The following CACNB4 variants were observed in gnomAD, a reference collection of about 807,000 sequenced individuals.
CACNB4 encodes calcium voltage-gated channel auxiliary subunit beta 4, also known as voltage-dependent L-type calcium channel subunit beta-4.
CACNB4 carries 32 observed loss-of-function variants against 71.2 expected under a neutral mutation model. The ratio of observed to expected loss-of-function variants is 0.45; its 90% CI spans 0.34 to 0.60. The LOEUF is 0.60. Ranked by LOEUF, CACNB4 falls within the 20% of genes least tolerant of loss-of-function variation. CACNB4 has a pLI of 0.01. For synonymous variants in CACNB4, 231 were observed against 236.9 expected (o/e 0.97, Z 0.23); for missense variants, 464 against 647.9 (o/e 0.72, Z 3.08).
At chr2:152,014,978 C>T (rs75614133) in intron 2 of CACNB4, among the ~76,000 whole-genome samples, 3,390 of 152,192 alleles carry the variant, frequency 0.022, 126 homozygotes, top group African/African-American at 0.076. Flanking sequence ...GCTGAATGTG[C>T]TCTCTTGTAC....
chr2:151,927,910 T>C lies in CACNB4; in HGVS notation c.148-44540A>G, dbSNP rs564993256. Reference sequence around the variant, plus strand: ...GCTTTTCCCCTCACTCCTTCTTTCTTGAGAGTCAAACATAAGAAAAAGGAA... The same window carrying C: ...GCTTTTCCCCTCACTCCTTCTTTCTCGAGAGTCAAACATAAGAAAAAGGAA... On this transcript the variant is annotated intron_variant, in intron 2 of 13. Coordinates refer to ENST00000539935, the MANE Select transcript of CACNB4 (RefSeq NM_000726.5). Among the ~76,000 whole-genome samples, 9 of 152,310 alleles carry C rather than the reference T, an allele frequency of 5.9e-5. No homozygotes were observed. In the South Asian group the frequency reaches 1.9e-3, roughly 32 times the overall value.
At chr2:152,067,061 G>A (rs2105355235) in intron 2 of CACNB4, among the ~76,000 whole-genome samples, 1 of 150,044 alleles carries the variant, frequency 6.7e-6, no homozygotes, top group South Asian at 2.1e-4. Context: ...GAGTTAGTGG[G>A]TGCAGCGCAC....
chr2:151,980,629 TTGC>T (rs1443228892), intron 2 of CACNB4, among the ~76,000 whole-genome samples: 9 of 152,324 alleles, frequency 5.9e-5, no homozygotes, highest in African/African-American at 2.2e-4. Context: ...TTGGCTACCT[TTGC>T]ACTTTGGTTG....
At chr2:151,947,351 G>A (rs1013877406) in intron 2 of CACNB4, among the ~76,000 whole-genome samples, 1 of 152,124 alleles carries the variant, frequency 6.6e-6, no homozygotes, top group Non-Finnish European at 1.5e-5. Flanking sequence ...AGAATCACGT[G>A]GGGTACTTAT....
chr2:151,846,244 G>T (rs1377123481), intron 12 of CACNB4, among the ~76,000 whole-genome samples: 1 of 152,028 alleles, frequency 6.6e-6, no homozygotes, highest in East Asian at 1.9e-4. Flanking sequence ...GCAAATGGTG[G>T]GTCACCCTAC....
chr2:152,098,817 G>A lies in CACNB4; in HGVS notation c.63+132C>T, dbSNP rs1688433438. 2.0e-6 allele frequency: 2 copies of A among 997,208 alleles called. No homozygotes were observed. Among genetic ancestry groups the A allele is most frequent in the East Asian group, 2.7e-5 (1 of 37,274 alleles). 61.8% of individuals were successfully genotyped at this position (997,208 alleles called of 1,614,324 possible). A position where few individuals can be genotyped will look rare whatever the true frequency, so the allele number is the denominator to read the frequency against. On this transcript the variant is annotated intron_variant, in intron 1 of 13. Transcript: ENST00000539935. This position sits in a 1 kb window ranked among gnomAD's most constrained non-coding sequence, Gnocchi z 5.3. The stretch of plus-strand genomic sequence containing the variant: ...AGAAAGGGACGTGGAGGAGGGGTGG[G>A]GGGAGCGGGGCCGCCGACTCCCGGG...
chr2:151,921,862 G>A (rs1422320664), intron 2 of CACNB4, among the ~76,000 whole-genome samples: 1 of 152,108 alleles, frequency 6.6e-6, no homozygotes, highest in Non-Finnish European at 1.5e-5. Context: ...CGGTTAAGAT[G>A]TGCCTGCCTC....
intron 12 of CACNB4, among the ~76,000 whole-genome samples, chr2:151,843,432 G>A (rs1049334957): frequency 9.2e-5 from 14 of 152,208 alleles, no homozygotes; most frequent in African/African-American, 2.6e-4. Context: ...CTCCCACCTC[G>A]GCTTCCTGAG....
intron 2 of CACNB4, among the ~76,000 whole-genome samples, chr2:151,902,168 A>T (rs1190112105): frequency 6.6e-6 from 1 of 151,114 alleles, no homozygotes; most frequent in Non-Finnish European, 1.5e-5. Flanking sequence ...TCAAGCTGGG[A>T]TCACAGGCGC....
chr2:152,029,731 G>A (rs1487441766), intron 2 of CACNB4, among the ~76,000 whole-genome samples: 1 of 152,080 alleles, frequency 6.6e-6, no homozygotes, highest in Non-Finnish European at 1.5e-5. Flanking sequence ...TGAGGGCAGA[G>A]CCTCATGAAA....
intron 2 of CACNB4, among the ~76,000 whole-genome samples, chr2:151,946,302 C>T (rs2099865590): frequency 6.6e-6 from 1 of 150,862 alleles, no homozygotes. Context: ...GCACTCCAGC[C>T]CGGGCAACAA....
intron 2 of CACNB4, among the ~76,000 whole-genome samples, chr2:151,940,224 T>C (rs145833338): frequency 2.4e-4 from 37 of 152,328 alleles, no homozygotes; most frequent in African/African-American, 8.2e-4. Flanking sequence ...CCTTACTCTA[T>C]ATACTGGAGA....
intron 6 of CACNB4, chr2:151,871,359 T>A (rs1318813729): frequency 1.3e-5 from 2 of 153,576 alleles, no homozygotes; most frequent in Non-Finnish European, 2.9e-5. Context: ...ATTGGCACAT[T>A]TTTCCTACTA....
intron 2 of CACNB4, among the ~76,000 whole-genome samples, chr2:151,999,388 T>TC (rs1682268615): frequency 6.6e-6 from 1 of 150,412 alleles, no homozygotes; most frequent in African/African-American, 2.4e-5. Context: ...TTTTTTTTTT[T>TC]CTTCTTATAC....
chr2:151,871,723 T>C (rs2099844683), intron 6 of CACNB4: 1 of 152,586 alleles, frequency 6.6e-6, no homozygotes, highest in African/African-American at 2.4e-5. Flanking sequence ...CCATTCCAAA[T>C]TGGTAATACA....
chr2:151,962,158 T>C (rs1286192964), intron 2 of CACNB4, among the ~76,000 whole-genome samples: 1 of 152,176 alleles, frequency 6.6e-6, no homozygotes, highest in Admixed American at 6.5e-5. Context: ...TTCCTCCTTG[T>C]GGGATGCTTC....
At chr2:151,993,237 C>T (rs938933950) in intron 2 of CACNB4, among the ~76,000 whole-genome samples, 44 of 151,800 alleles carry the variant, frequency 2.9e-4, no homozygotes, top group African/African-American at 9.4e-4. Context: ...TTTTTGATCA[C>T]TAACTATATC....
chr2:151,985,501 T>C (rs528203152), intron 2 of CACNB4, among the ~76,000 whole-genome samples: 4 of 152,312 alleles, frequency 2.6e-5, no homozygotes, highest in South Asian at 2.1e-4. Context: ...CTTGATCACA[T>C]TGCCAAAGGT....
intron 2 of CACNB4, among the ~76,000 whole-genome samples, chr2:152,072,073 T>C (rs1381910671): frequency 6.6e-6 from 1 of 152,262 alleles, no homozygotes; most frequent in Non-Finnish European, 1.5e-5. Context: ...TTCCTGAAGC[T>C]TGCAATCAGG....
Sources: gnomAD v4.1 joint callset for allele counts (sites outside exome capture counted in the v4.1 genomes callset) on GRCh38, gnomAD v4.1.1 for gene constraint, Gnocchi (gnomAD v3.1) non-coding constraint, MANE v1.5 for transcripts, NCBI Gene and HGNC (gene_info 2026-07-23, HGNC 2026-07-21) for gene names.